Variants in TRIM66 observed in about 807,000 individuals in gnomAD.
TRIM66 encodes the protein tripartite motif-containing protein 66.
A neutral mutation model predicts 148.2 loss-of-function variants in TRIM66; 99 were observed. The ratio of observed to expected loss-of-function variants is 0.67; its 90% CI spans 0.57 to 0.79. The LOEUF (loss-of-function observed/expected upper bound fraction) is 0.79, where lower values mean the gene tolerates loss of function less well. Ranked by LOEUF, TRIM66 falls within the 30% of genes least tolerant of loss-of-function variation. The pLI is 0.00. For missense variants in TRIM66, 1,666 were observed against 1,697.9 expected (o/e 0.98, Z 0.33); for synonymous variants, 616 against 635.9 (o/e 0.97, Z 0.47).
intron 15 of TRIM66, 116 bp from the exon 16 acceptor site, chr11:8,625,344 T>TCTGGTAGCTG (rs11279624): frequency 2.1e-5 from 27 of 1,272,998 alleles, no homozygotes; most frequent in Non-Finnish European, 2.8e-5. Context: ...GGCTTCAGAG[T>TCTGGTAGCTG]CTGGTAGCTG....
Position 8,619,462 on chromosome 11 carries a change from T to TC in TRIM66, c.3820dup (p.Asp1274GlyfsTer24). 1 of 1,551,296 alleles carries TC rather than the reference T, an allele frequency of 6.4e-7. No homozygotes were observed. Among genetic ancestry groups the TC allele is most frequent in the Non-Finnish European group, 8.7e-7 (1 of 1,146,798 alleles). ...CTCTGGGGTGGTATAGTGAGCTGGG[T>TC]CCTTCTTTTGCAGCTTCCTCCGGAT... On this transcript the variant is annotated frameshift_variant, in exon 23 of 25. Transcript: ENST00000646038. LOFTEE classifies it high-confidence loss of function.
chr11:8,643,814 C>T (rs936058889), intron 12 of TRIM66, among the ~76,000 whole-genome samples: 2 of 152,128 alleles, frequency 1.3e-5, no homozygotes, highest in Non-Finnish European at 2.9e-5. Flanking sequence ...GGTAAAACAC[C>T]CTTCTGTCCT....
intron 6 of TRIM66, among the ~76,000 whole-genome samples, chr11:8,668,614 C>G (rs918866793): frequency 2.7e-4 from 41 of 150,400 alleles, no homozygotes; most frequent in African/African-American, 9.3e-4. Flanking sequence ...GAGATGGAGT[C>G]TCGCTCTGTC....
At chr11:8,650,467 G>C (rs2037259126) in intron 7 of TRIM66, among the ~76,000 whole-genome samples, 1 of 150,344 alleles carries the variant, frequency 6.7e-6, no homozygotes. Context: ...AGGAAAAGGA[G>C]GAAGGGAAGG....
chr11:8,647,261 C>T (rs1010007311), intron 10 of TRIM66, among the ~76,000 whole-genome samples: 11 of 151,996 alleles, frequency 7.2e-5, no homozygotes, highest in South Asian at 4.1e-4. Context: ...TTTTATGATA[C>T]GTAGATTATA....
chr11:8,625,050 G>A lies in TRIM66; in HGVS notation c.2489C>T (p.Thr830Ile). The A allele has an allele frequency of 6.4e-7, 1 of 1,551,732 alleles. No homozygotes were observed. Among genetic ancestry groups the A allele is most frequent in the Non-Finnish European group, 8.7e-7 (1 of 1,146,994 alleles). The change falls in exon 16 of 25, where the codon ACA (threonine) becomes ATA (isoleucine). Residue 830 changes from threonine to isoleucine, a missense_variant. By Grantham distance (89) the Thr-to-Ile change is moderately conservative (BLOSUM62 -1). Transcript: ENST00000646038. ...SAPPKMVSSL[T>I]SVQNQAMPSL... is the part of the protein sequence containing the mutation. ...GGGCATGGCCTGGTTTTGAACACTTGTCAGGCTGGACACCATTTTGGGGGG... is the reference window on the plus strand; with the variant it reads ...GGGCATGGCCTGGTTTTGAACACTTATCAGGCTGGACACCATTTTGGGGGG...
At chr11:8,681,264 G>C (rs2039409022) in intron 1 of TRIM66, among the ~76,000 whole-genome samples, 2 of 151,810 alleles carry the variant, frequency 1.3e-5, no homozygotes, top group Non-Finnish European at 2.9e-5. Flanking sequence ...CTCCCGAGTA[G>C]CTGGGACTAC....
rs2036353253 is a variant in TRIM66, at chr11:8,641,120, T to C, written c.1255A>G (p.Arg419Gly). 3 of 1,551,486 alleles carry C rather than the reference T, an allele frequency of 1.9e-6. No individual in the cohort carries two copies. The highest frequency in any genetic ancestry group is 1.4e-5 in the African/African-American group (1 of 73,180). ...CCTCCATAAGCAGGAGCATCTGCCC[T>C]GGACATTTGTCCACCTTCAGTAGTT... ...CITTEGGQMS[R>G]ADAPAYGGLQ... is the part of the protein sequence containing the mutation. Residue 419 changes from arginine (R) to glycine (G), a missense_variant, in exon 14 of 25, where the codon AGG (arginine) becomes GGG (glycine). Coordinates refer to ENST00000646038, the MANE Select transcript of TRIM66 (RefSeq NM_001388022.1).
At chr11:8,633,555 GA>G (rs2035610959) in intron 15 of TRIM66, among the ~76,000 whole-genome samples, 1 of 152,290 alleles carries the variant, frequency 6.6e-6, no homozygotes, top group Non-Finnish European at 1.5e-5. Flanking sequence ...CTCTTGAGTA[GA>G]AAGAGTGTAT....
Position 8,651,913 on chromosome 11 carries a change from A to G in TRIM66, c.341-10T>C. The stretch of plus-strand genomic sequence containing the variant: ...GGACAGGAGATGAGCTCTGTGCAAG[A>G]AAGAAAGATAGCAGAGTCAGGGCAA... On this transcript the variant is annotated splice_polypyrimidine_tract_variant and intron_variant, in intron 6 of 24. Transcript: ENST00000646038. The G allele has an allele frequency of 1.9e-6, 3 of 1,546,268 alleles. No individual in the cohort carries two copies. The South Asian group carries it at 3.6e-5, about 18-fold the overall frequency.
At chr11:8,619,915 A>G in intron 22 of TRIM66, 135 bp downstream of exon 22, 1 of 899,520 alleles carries the variant, frequency 1.1e-6, no homozygotes, top group South Asian at 1.7e-5. Flanking sequence ...CAGAAAAGAC[A>G]GTAGCAGGCA....
At chr11:8,640,138 C>A (rs796296625) in intron 14 of TRIM66, 89 bp downstream of exon 14, 10 of 1,308,414 alleles carry the variant, frequency 7.6e-6, no homozygotes, top group African/African-American at 5.9e-5. Context: ...AAACTGTATT[C>A]CTGTGCTGCC....
chr11:8,619,601 AGAAG>A, intron 22 of TRIM66, 66 bp from the exon 23 acceptor site: 15 of 1,382,186 alleles, frequency 1.1e-5, no homozygotes, highest in Non-Finnish European at 1.4e-5. Context: ...GGTGTGGATA[AGAAG>A]GAAGAAGAAA....
chr11:8,669,103 A>G (rs2038776040), intron 6 of TRIM66, among the ~76,000 whole-genome samples: 1 of 152,230 alleles, frequency 6.6e-6, no homozygotes, highest in Admixed American at 6.5e-5. Context: ...GATGAAGGGC[A>G]CCATCATCAA....
rs1048722964 is a variant in TRIM66 at position 8,679,707 on chromosome 11, T to C, written c.-277A>G. The C allele has an allele frequency of 6.5e-6, 1 of 152,698 alleles. No individual in the cohort carries two copies. Among genetic ancestry groups the C allele is most frequent in the African/African-American group, 2.4e-5 (1 of 41,468 alleles). 9.5% of individuals were successfully genotyped at this position (152,698 alleles called of 1,614,324 possible). A position where few individuals can be genotyped will look rare whatever the true frequency, so the allele number is the denominator to read the frequency against. ...CTTACTGGCCAGTTTTGATGTCAAA[T>C]AGACGACGATGTCTTCTTTGATCTC... On this transcript the variant is annotated 5_prime_UTR_variant, in exon 3 of 25. Transcript: ENST00000646038.
intron 6 of TRIM66, among the ~76,000 whole-genome samples, chr11:8,662,628 C>T (rs530700295): frequency 7.2e-4 from 109 of 152,344 alleles, no homozygotes; most frequent in African/African-American, 2.5e-3. Context: ...TCTGTGACTT[C>T]CAGCTACATC....
rs777396431 is a variant in TRIM66 at position 8,624,835 on chromosome 11, T to A, written c.2704A>T (p.Ser902Cys). 6.4e-7 allele frequency: 1 copy of A among 1,551,580 alleles called. No homozygotes were observed. The highest frequency in any genetic ancestry group is 8.7e-7 in the Non-Finnish European group (1 of 1,146,988). ...VPSLATCPLQSIPPVSDMQPE... is the reference protein window; with the variant it reads ...VPSLATCPLQCIPPVSDMQPE... ...TGCATGTCAGAAACTGGAGGGATGC[T>A]CTGCAGAGGACAAGTTGCCAGACTC... Residue 902 changes from serine (S) to cysteine (C), a missense_variant, in exon 16 of 25, where the codon AGC becomes TGC. By Grantham distance (112) the Ser-to-Cys change is moderately radical (BLOSUM62 -1). This residue lies in a region of TRIM66 where 1,431 missense variants were observed against 1,412.4 expected (regional missense o/e 1.01). Coordinates refer to ENST00000646038, the MANE Select transcript of TRIM66 (RefSeq NM_001388022.1).
At chr11:8,646,032 T>C in intron 11 of TRIM66, 145 bp from the exon 12 acceptor site, 1 of 758,414 alleles carries the variant, frequency 1.3e-6, no homozygotes, top group East Asian at 2.7e-5. Context: ...AGTGTTGCCA[T>C]GGGATGCTGG....
At chr11:8,681,274 C>CA (rs1439824854) in intron 1 of TRIM66, among the ~76,000 whole-genome samples, 1 of 151,982 alleles carries the variant, frequency 6.6e-6, no homozygotes, top group African/African-American at 2.4e-5. Flanking sequence ...GCTGGGACTA[C>CA]AGGCGCCCAC....
Sources: gnomAD v4.1 joint callset for allele counts (sites outside exome capture counted in the v4.1 genomes callset) on GRCh38, gnomAD v4.1.1 for gene constraint, gnomAD v4.1.1 regional missense constraint, MANE v1.5 for transcripts, NCBI Gene and HGNC (gene_info 2026-07-23, HGNC 2026-07-21) for gene names.